The following DLC1 variants were observed in gnomAD, a reference collection of about 807,000 sequenced individuals.
The protein encoded by DLC1 is DLC1 Rho GTPase activating protein, also known as rho GTPase-activating protein 7.
Under a neutral mutation model 140.3 loss-of-function variants are expected in DLC1, and 54 were observed. The observed-to-expected ratio is 0.38, with a 90% CI of 0.31 to 0.48. DLC1 has a LOEUF of 0.48. Ranked by LOEUF, DLC1 falls within the 20% of genes least tolerant of loss-of-function variation. The pLI, the probability that DLC1 is intolerant of heterozygous loss-of-function variation, is 0.96. For missense variants in DLC1, 2,536 were observed against 1,907.0 expected, an observed-to-expected ratio of 1.33 and a Z score of -6.14; for synonymous variants, 986 against 728.1, an observed-to-expected ratio of 1.35 and a Z score of -5.70.
chr8:13,128,648 C>G (rs1279921742), intron 5 of DLC1, among the ~76,000 whole-genome samples: 2 of 152,082 alleles, frequency 1.3e-5, no homozygotes, highest in East Asian at 3.9e-4. Flanking sequence ...CTGGCTAACA[C>G]GATGAAACCC....
intron 5 of DLC1, among the ~76,000 whole-genome samples, chr8:13,273,441 G>A (rs1052552059): frequency 1.3e-5 from 2 of 152,126 alleles, no homozygotes; most frequent in African/African-American, 4.8e-5. Context: ...AACTCCTGTG[G>A]GATGTAACTG....
At chr8:13,280,486 T>G (rs994386036) in intron 5 of DLC1, among the ~76,000 whole-genome samples, 1 of 152,126 alleles carries the variant, frequency 6.6e-6, no homozygotes, top group Non-Finnish European at 1.5e-5. Flanking sequence ...GAGATTCTGG[T>G]TTAAGTAAGT....
chr8:13,378,988 TTAAG>T (rs1260775833), intron 4 of DLC1, among the ~76,000 whole-genome samples: 1 of 152,168 alleles, frequency 6.6e-6, no homozygotes, highest in Non-Finnish European at 1.5e-5. Flanking sequence ...TGAAATAATT[TTAAG>T]TTTTTGCCTC....
At chr8:13,345,103 G>A (rs932641691) in intron 4 of DLC1, among the ~76,000 whole-genome samples, 10 of 152,084 alleles carry the variant, frequency 6.6e-5, no homozygotes, top group Non-Finnish European at 1.3e-4. Context: ...TTTTGCAGAC[G>A]AGGATTGTAA....
At chr8:13,451,660 C>G (rs571810103) in intron 2 of DLC1, among the ~76,000 whole-genome samples, 1 of 152,090 alleles carries the variant, frequency 6.6e-6, no homozygotes, top group African/African-American at 2.4e-5. Context: ...AACATAATAG[C>G]CTCCAGTTCC....
intron 1 of DLC1, among the ~76,000 whole-genome samples, chr8:13,538,514 C>T (rs145661940): frequency 2.6e-5 from 4 of 152,158 alleles, no homozygotes; most frequent in African/African-American, 9.6e-5. Context: ...TCCTCTTGTT[C>T]TGTGTGGCTC....
intron 1 of DLC1, among the ~76,000 whole-genome samples, chr8:13,506,860 T>C (rs1802111961): frequency 6.6e-6 from 1 of 152,048 alleles, no homozygotes; most frequent in South Asian, 2.1e-4. Context: ...ATTTTGTTGC[T>C]ACGTGGTGAG....
chr8:13,426,341 C>G (rs1383230916), intron 2 of DLC1, among the ~76,000 whole-genome samples: 1 of 152,180 alleles, frequency 6.6e-6, no homozygotes, highest in South Asian at 2.1e-4. Context: ...ATAGTATTCT[C>G]TAAATCACAC....
chr8:13,099,810 A>G lies in DLC1; in HGVS notation c.2527T>C (p.Phe843Leu). 6.2e-7 allele frequency: 1 copy of G among 1,614,138 alleles called. No homozygotes were observed. The highest frequency in any genetic ancestry group is 1.1e-5 in the South Asian group (1 of 91,068). The change falls in exon 9 of 18, where the codon TTC becomes CTC. Residue 843 changes from phenylalanine to leucine, a missense_variant. Transcript: ENST00000276297. ...NGSVNWRTGS[F>L]HGPGHISLRR... ...AGGCTGATGTGGCCAGGGCCGTGGA[A>G]GCTTCCCGTCCTCCAGTTCACAGAG...
chr8:13,332,225 T>C (rs1407516820), intron 4 of DLC1, among the ~76,000 whole-genome samples: 3 of 152,204 alleles, frequency 2.0e-5, no homozygotes, highest in African/African-American at 4.8e-5. Flanking sequence ...TTTCCTGCCT[T>C]AGCGAATAAA....
chr8:13,201,624 G>A (rs1827384250), intron 5 of DLC1, among the ~76,000 whole-genome samples: 1 of 151,906 alleles, frequency 6.6e-6, no homozygotes, highest in African/African-American at 2.4e-5. Context: ...AATGATTCAG[G>A]AGAAAAAGCA....
chr8:13,514,734 G>A lies in DLC1; in HGVS notation c.-258C>T, dbSNP rs981743823. On this transcript the variant is annotated 5_prime_UTR_variant, in exon 1 of 18. Coordinates refer to ENST00000276297, the MANE Select transcript of DLC1 (RefSeq NM_182643.3). ...GGTTGAGATCATGGCTCTATTCTGA[G>A]CAGTTTCACGCAGTGTGTGAGTCTA... 1 of 398,188 alleles carries A rather than the reference G, an allele frequency of 2.5e-6. No individual in the cohort carries two copies. The highest frequency in any genetic ancestry group is 4.4e-6 in the Non-Finnish European group (1 of 225,770). The allele number at this position is 398,188 out of a possible 1,614,324, so 24.7% of individuals were successfully genotyped here.
chr8:13,110,882 G>T, intron 6 of DLC1, 59 bp from the exon 7 acceptor site: 1 of 1,505,400 alleles, frequency 6.6e-7, no homozygotes, highest in Non-Finnish European at 9.2e-7. Context: ...TTGCCAAATA[G>T]CCCAGTTTAC....
intron 4 of DLC1, among the ~76,000 whole-genome samples, chr8:13,357,762 C>T (rs1368692560): frequency 6.6e-6 from 1 of 152,138 alleles, no homozygotes; most frequent in Non-Finnish European, 1.5e-5. Context: ...ATATGTTGAA[C>T]TCTTATGAAA....
chr8:13,201,847 T>C (rs970669709), intron 5 of DLC1, among the ~76,000 whole-genome samples: 4 of 151,970 alleles, frequency 2.6e-5, no homozygotes, highest in African/African-American at 9.7e-5. Context: ...GTTTGTTATA[T>C]AGGTAAACTC....
At chr8:13,193,869 A>G (rs1400090083) in intron 5 of DLC1, among the ~76,000 whole-genome samples, 1 of 152,228 alleles carries the variant, frequency 6.6e-6, no homozygotes, top group Non-Finnish European at 1.5e-5. Flanking sequence ...GAAGTCATCA[A>G]AGGAAATGAG....
intron 5 of DLC1, among the ~76,000 whole-genome samples, chr8:13,289,358 A>G (rs1831668105): frequency 6.6e-6 from 1 of 152,030 alleles, no homozygotes; most frequent in Non-Finnish European, 1.5e-5. Flanking sequence ...ACCTGGTTAA[A>G]TTAATTTTTT....
intron 4 of DLC1, among the ~76,000 whole-genome samples, chr8:13,324,518 G>A (rs1411232045): frequency 7.1e-6 from 1 of 140,302 alleles, no homozygotes; most frequent in African/African-American, 2.7e-5. Flanking sequence ...AGTGAGCCCA[G>A]ATCGCGCCAC....
chr8:13,577,276 T>C (rs150638755), intron 1 of DLC1, among the ~76,000 whole-genome samples: 2,717 of 152,300 alleles, frequency 0.018, 48 homozygotes, highest in Non-Finnish European at 0.03. Flanking sequence ...GGGAGGTCTA[T>C]AGAGCTGCAA....
Sources: allele counts gnomAD v4.1 joint callset (sites outside exome capture counted in the v4.1 genomes callset), GRCh38; gene constraint gnomAD v4.1.1; transcripts MANE v1.5; gene names NCBI Gene and HGNC (gene_info 2026-07-23, HGNC 2026-07-21).